The following ANPEP variants were observed in gnomAD, a reference collection of about 807,000 sequenced individuals.
The protein encoded by ANPEP is aminopeptidase N.
A neutral mutation model predicts 114.6 loss-of-function variants in ANPEP; 70 were observed. The ratio of observed to expected loss-of-function variants is 0.61; its 90% CI spans 0.50 to 0.75. The LOEUF is 0.75. Among genes scored for constraint, ANPEP ranks in the 30% least tolerant of loss-of-function variants. The pLI, the probability that ANPEP is intolerant of heterozygous loss-of-function variation, is 0.00. For synonymous variants in ANPEP, 548 were observed against 522.3 expected, an observed-to-expected ratio of 1.05 and a Z score of -0.67; for missense variants, 1,184 against 1,259.5, an observed-to-expected ratio of 0.94 and a Z score of 0.91.
rs750290072 is a variant in ANPEP, at chr15:89,791,089, G to T, written c.2533C>A (p.Leu845Met). ...AAGTCCGGGTTCAGGGTGTAGCTCA[G>T]GTACCTAAGAGGGCCAGATGCTGTC... Reference protein sequence around the residue: ...SKELWILNRYLSYTLNPDLIR... With the variant: ...SKELWILNRYMSYTLNPDLIR... Residue 845 changes from leucine (L) to methionine (M), a missense_variant, in exon 19 of 21, where the codon CTG becomes ATG. Leu to Met is a conservative substitution (Grantham distance 15). Coordinates refer to ENST00000300060, the MANE Select transcript of ANPEP (RefSeq NM_001150.3). 6.2e-7 allele frequency: 1 copy of T among 1,614,064 alleles called. No individual in the cohort carries two copies.
At chr15:89,789,688 G>T (rs904175758) in intron 20 of ANPEP, among the ~76,000 whole-genome samples, 1 of 146,864 alleles carries the variant, frequency 6.8e-6, no homozygotes, top group African/African-American at 2.6e-5. Context: ...CAGGAGAATT[G>T]ATTGAACCCC....
chr15:89,788,011 C>T (rs369821068), intron 20 of ANPEP, among the ~76,000 whole-genome samples: 1 of 152,066 alleles, frequency 6.6e-6, no homozygotes, highest in East Asian at 1.9e-4. Flanking sequence ...GCAATTAGAA[C>T]CCTCATGTGA....
At position 89,801,443 on chromosome 15, in the gene ANPEP, T is replaced by C; in HGVS notation, c.1734A>G (p.Ser578=). 1 of 1,614,108 alleles carries C rather than the reference T, an allele frequency of 6.2e-7. No individual in the cohort carries two copies. The highest frequency in any genetic ancestry group is 8.5e-7 in the Non-Finnish European group (1 of 1,179,980). ...LDPDSNVTRP[S]EFNYVWIVPI... ...TGACCCCATCTGCTCACTTGAATTC[T>C]GAGGGGCGGGTAACATTGGAATCGG... is the stretch of plus-strand genomic sequence containing the variant. Residue 578 remains serine, a synonymous_variant, in exon 11 of 21, where the codon TCA becomes TCG. Transcript: ENST00000300060.
Position 89,806,472 on chromosome 15 carries a change from T to TCTTCTC in ANPEP, c.106_111dup (p.Glu36_Lys37dup). 6.2e-7 allele frequency: 1 copy of TCTTCTC among 1,614,024 alleles called. No homozygotes were observed. Among genetic ancestry groups the TCTTCTC allele is most frequent in the Non-Finnish European group, 8.5e-7 (1 of 1,179,946 alleles). The stretch of plus-strand genomic sequence containing the variant: ...ACGGGGGAGCTGTTGGCGTTCTTGT[T>TCTTCTC]CTTCTCCTGGGAGTACACCACTGAC... On this transcript the variant is annotated inframe_insertion, in exon 2 of 21. Coordinates refer to ENST00000300060, the MANE Select transcript of ANPEP (RefSeq NM_001150.3). The surrounding 1 kb of genome is among the most constrained non-coding windows in gnomAD (Gnocchi z 5.7).
At chr15:89,811,373 G>A (rs973234638) in intron 1 of ANPEP, among the ~76,000 whole-genome samples, 2 of 152,126 alleles carry the variant, frequency 1.3e-5, no homozygotes, top group African/African-American at 4.8e-5. Flanking sequence ...TGGGCCGGGC[G>A]TGTTGGCTCA....
At position 89,793,017 on chromosome 15, in the gene ANPEP, A is replaced by G; in HGVS notation, c.2249+18T>C. 1.2e-6 allele frequency: 2 copies of G among 1,609,706 alleles called. No homozygotes were observed. Among genetic ancestry groups the G allele is most frequent in the South Asian group, 1.1e-5 (1 of 90,976 alleles). On this transcript the variant is annotated intron_variant, in intron 16 of 20. Transcript: ENST00000300060. ...CGGGGTGCCCAGGACTTCCAAACCC[A>G]TGAGAGCTCCCACTCACTGGTCCAT... is the stretch of plus-strand genomic sequence containing the variant.
At chr15:89,793,600 G>A (rs1968673787) in intron 15 of ANPEP, among the ~76,000 whole-genome samples, 1 of 151,716 alleles carries the variant, frequency 6.6e-6, no homozygotes, top group African/African-American at 2.4e-5. Context: ...CTACTTGGGA[G>A]GCTGAGGCAG....
Position 89,785,213 on chromosome 15 carries a change from C to A in ANPEP, c.*136G>T. 1.7e-6 allele frequency: 2 copies of A among 1,178,264 alleles called. No homozygotes were observed. The highest frequency in any genetic ancestry group is 1.5e-5 in the African/African-American group (1 of 64,654). The allele number at this position is 1,178,264 out of a possible 1,614,324, so 73.0% of individuals were successfully genotyped here. A position where few individuals can be genotyped will look rare whatever the true frequency, so the allele number is the denominator to read the frequency against. On this transcript the variant is annotated 3_prime_UTR_variant, in exon 21 of 21. Coordinates refer to ENST00000300060, the MANE Select transcript of ANPEP (RefSeq NM_001150.3). Reference sequence around the variant, plus strand: ...TAGACTGGCTCACAGGCAGAGAGAACGTGGGCTGGAGACTTTGTCCTTGAG... The same window carrying A: ...TAGACTGGCTCACAGGCAGAGAGAAAGTGGGCTGGAGACTTTGTCCTTGAG...
chr15:89,811,947 CG>C (rs1220856754), intron 1 of ANPEP, among the ~76,000 whole-genome samples: 3 of 152,186 alleles, frequency 2.0e-5, no homozygotes, highest in Non-Finnish European at 2.9e-5. Context: ...GTCCAGAAAA[CG>C]TAAGTTCTTC....
rs1467549670 is a variant in ANPEP at position 89,803,097 on chromosome 15, G to A, written c.1569+142C>T. Reference sequence around the variant, plus strand: ...CCATCCCGGCTTCCACTATAGGGAGGAGCAACAGAGGCTCCATCCACCCTG... The same window carrying A: ...CCATCCCGGCTTCCACTATAGGGAGAAGCAACAGAGGCTCCATCCACCCTG... On this transcript the variant is annotated intron_variant, in intron 10 of 20. Coordinates refer to ENST00000300060, the MANE Select transcript of ANPEP (RefSeq NM_001150.3). The surrounding 1 kb of genome is among the most constrained non-coding windows in gnomAD (Gnocchi z 4.2). The A allele has an allele frequency of 2.2e-5, 21 of 934,560 alleles. No homozygotes were observed. Among genetic ancestry groups the A allele is most frequent in the Non-Finnish European group, 3.6e-5 (21 of 584,228 alleles). The allele number at this position is 934,560 out of a possible 1,614,324, so 57.9% of individuals were successfully genotyped here.
chr15:89,788,737 A>C (rs1426909277), intron 20 of ANPEP, among the ~76,000 whole-genome samples: 1 of 151,918 alleles, frequency 6.6e-6, no homozygotes, highest in Non-Finnish European at 1.5e-5. Flanking sequence ...AGTAGCTAGG[A>C]CTACAGGTAT....
intron 20 of ANPEP, among the ~76,000 whole-genome samples, chr15:89,790,018 C>G (rs1217785540): frequency 6.8e-6 from 1 of 146,538 alleles, no homozygotes; most frequent in Non-Finnish European, 1.5e-5. Flanking sequence ...CAGATCGCAC[C>G]ACTGCACTCC....
In ANPEP at chr15:89,792,490, G is replaced by A. The variant is rs1371704040; in HGVS notation, c.2322C>T (p.Gly774=). The A allele has an allele frequency of 3.1e-6, 5 of 1,614,100 alleles. No homozygotes were observed. Among genetic ancestry groups the A allele is most frequent in the Non-Finnish European group, 4.2e-6 (5 of 1,179,998 alleles). The part of the protein sequence containing the change: ...GVPECEEMVS[G]LFKQWMENPN... ...GGTTCTCCATCCACTGCTTGAAAAG[G>A]CCAGAGACCATCTCCTCACACTCTG... The change falls in exon 17 of 21, where the codon GGC becomes GGT. Residue 774 remains glycine (G), a synonymous_variant. Coordinates refer to ENST00000300060, the MANE Select transcript of ANPEP (RefSeq NM_001150.3).
In ANPEP at chr15:89,806,908, C is replaced by A; in HGVS notation, c.-223-102G>T. The stretch of plus-strand genomic sequence containing the variant: ...CCGGCTGTAGGCCCAGTGGGCAAAG[C>A]AAGCGGCCAGGTGGCATTGCATTGA... On this transcript the variant is annotated intron_variant, in intron 1 of 20. Transcript: ENST00000300060. This position sits in a 1 kb window ranked among gnomAD's most constrained non-coding sequence, Gnocchi z 5.7. 7 of 303,430 alleles carry A rather than the reference C, an allele frequency of 2.3e-5. No homozygotes were observed. Among genetic ancestry groups the A allele is most frequent in the Admixed American group, 4.6e-5 (1 of 21,858 alleles). The allele number at this position is 303,430 out of a possible 1,614,324, so 18.8% of individuals were successfully genotyped here.
At chr15:89,802,018 G>A (rs760103862) in intron 10 of ANPEP, among the ~76,000 whole-genome samples, 1 of 152,084 alleles carries the variant, frequency 6.6e-6, no homozygotes, top group African/African-American at 2.4e-5. Flanking sequence ...TGAGGGAAGT[G>A]CACTCGGACT....
intron 20 of ANPEP, among the ~76,000 whole-genome samples, chr15:89,789,413 G>A (rs540731040): frequency 6.6e-6 from 1 of 152,166 alleles, no homozygotes; most frequent in South Asian, 2.1e-4. Flanking sequence ...ATATGCCTTG[G>A]GTATATGATA....
chr15:89,790,258 C>G (rs1968594249), intron 20 of ANPEP, among the ~76,000 whole-genome samples: 1 of 152,154 alleles, frequency 6.6e-6, no homozygotes, highest in South Asian at 2.1e-4. Flanking sequence ...CCTTTTGTGC[C>G]TATACAAAAA....
Position 89,806,533 on chromosome 15 carries a change from GAGGATCCCC to G in ANPEP, c.42_50del (p.Gly15_Leu17del). 6.2e-7 allele frequency: 1 copy of G among 1,613,040 alleles called. No homozygotes were observed. Among genetic ancestry groups the G allele is most frequent in the Non-Finnish European group, 8.5e-7 (1 of 1,179,164 alleles). On this transcript the variant is annotated inframe_deletion, in exon 2 of 21. Transcript: ENST00000300060. This position sits in a 1 kb window ranked among gnomAD's most constrained non-coding sequence, Gnocchi z 5.7. ...TTGTGCACACGGCTGCCACGCCCAG[GAGGATCCCC>G]AGGATGCCCAGGGACTTGGAAATAT...
rs2141807353 is a variant in ANPEP at position 89,803,578 on chromosome 15, C to G, written c.1437+69G>C. 1 of 1,601,266 alleles carries G rather than the reference C, an allele frequency of 6.2e-7. No homozygotes were observed. Among genetic ancestry groups the G allele is most frequent in the Non-Finnish European group, 8.5e-7 (1 of 1,174,502 alleles). On this transcript the variant is annotated intron_variant, in intron 8 of 20. Coordinates refer to ENST00000300060, the MANE Select transcript of ANPEP (RefSeq NM_001150.3). This position sits in a 1 kb window ranked among gnomAD's most constrained non-coding sequence, Gnocchi z 4.2. Reference sequence around the variant, plus strand: ...CAGGACCCTGTGCCCCCAGACCCTGCCTTCAGTGAGGCCCCTCCAGGCCAA... The same window carrying G: ...CAGGACCCTGTGCCCCCAGACCCTGGCTTCAGTGAGGCCCCTCCAGGCCAA...
Sources: allele counts gnomAD v4.1 joint callset (sites outside exome capture counted in the v4.1 genomes callset), GRCh38; gene constraint gnomAD v4.1.1; non-coding constraint Gnocchi (gnomAD v3.1); transcripts MANE v1.5; gene names NCBI Gene and HGNC (gene_info 2026-07-23, HGNC 2026-07-21).